KMT2C: variants seen among roughly 807,000 people sequenced by gnomAD.
KMT2C encodes histone-lysine N-methyltransferase 2C.
In KMT2C, 88 loss-of-function variants were observed where a neutral mutation model predicts 507.9. The observed-to-expected ratio is 0.17, with a 90% CI of 0.15 to 0.21. The LOEUF is 0.21. Among genes scored for constraint, KMT2C ranks in the 10% least tolerant of loss-of-function variants. KMT2C has a pLI of 1.00. For missense variants in KMT2C, 4,954 were observed against 5,957.8 expected (o/e 0.83, Z 5.55); for synonymous variants, 2,049 against 2,080.8 (o/e 0.98, Z 0.42).
At chr7:152,189,382 C>G (rs1460022395) in intron 31 of KMT2C, among the ~76,000 whole-genome samples, 1 of 152,156 alleles carries the variant, frequency 6.6e-6, no homozygotes, top group Non-Finnish European at 1.5e-5. Context: ...TAGAGCCATA[C>G]TATTACAGGA....
chr7:152,374,994 T>C (rs1473258945), intron 1 of KMT2C, among the ~76,000 whole-genome samples: 1 of 152,026 alleles, frequency 6.6e-6, no homozygotes, highest in Non-Finnish European at 1.5e-5. Flanking sequence ...AAGAGGAATA[T>C]CCATTTTGCT....
chr7:152,399,932 A>G (rs1411540366), intron 1 of KMT2C, among the ~76,000 whole-genome samples: 2 of 152,066 alleles, frequency 1.3e-5, no homozygotes, highest in African/African-American at 2.4e-5. Context: ...AAAACAAACA[A>G]ACAAACAGAC....
chr7:152,411,919 T>C (rs2097688670), intron 1 of KMT2C, among the ~76,000 whole-genome samples: 1 of 152,156 alleles, frequency 6.6e-6, no homozygotes, highest in African/African-American at 2.4e-5. Context: ...AAGTCAAAAC[T>C]GAAATATTAA....
chr7:152,360,252 T>C (rs1198570540), intron 1 of KMT2C, among the ~76,000 whole-genome samples: 14 of 151,722 alleles, frequency 9.2e-5, no homozygotes, highest in Non-Finnish European at 1.9e-4. Context: ...CCGAGGTGGG[T>C]GGATCACCTG....
intron 6 of KMT2C, among the ~76,000 whole-genome samples, chr7:152,299,178 T>G (rs986734016): frequency 2.6e-5 from 4 of 151,444 alleles, no homozygotes; most frequent in African/African-American, 9.7e-5. Flanking sequence ...ATTAGCTGGG[T>G]GTGGTGGTGC....
chr7:152,139,171 T>A lies in KMT2C; in HGVS notation c.14534+15A>T, dbSNP rs373983978. 3.7e-6 allele frequency: 6 copies of A among 1,613,340 alleles called. No individual in the cohort carries two copies. The African/African-American group carries it at 6.7e-5, about 18-fold the overall frequency. On this transcript the variant is annotated intron_variant, in intron 57 of 58. Coordinates refer to ENST00000262189, the MANE Select transcript of KMT2C (RefSeq NM_170606.3). Reference sequence around the variant, plus strand: ...CAAGCAAAAGCACTCCCCGTCAGGTTCCTCGCTGTCTCACCTTGCGGGCCC... The same window carrying A: ...CAAGCAAAAGCACTCCCCGTCAGGTACCTCGCTGTCTCACCTTGCGGGCCC...
chr7:152,136,237 T>A lies in KMT2C; in HGVS notation c.*595A>T, dbSNP rs1216370815. 4.7e-6 allele frequency: 1 copy of A among 211,392 alleles called. No homozygotes were observed. Among genetic ancestry groups the A allele is most frequent in the Non-Finnish European group, 9.6e-6 (1 of 104,138 alleles). 13.1% of individuals were successfully genotyped at this position (211,392 alleles called of 1,614,324 possible). A position where few individuals can be genotyped will look rare whatever the true frequency, so the allele number is the denominator to read the frequency against. On this transcript the variant is annotated 3_prime_UTR_variant, in exon 59 of 59. Coordinates refer to ENST00000262189, the MANE Select transcript of KMT2C (RefSeq NM_170606.3). ...CAATAAACTGACTCATGGAATCAAG[T>A]ATTTAAATGTATTTAGTGCAAGTTA...
At chr7:152,301,341 A>T (rs180941024) in intron 6 of KMT2C, among the ~76,000 whole-genome samples, 285 of 142,326 alleles carry the variant, frequency 2.0e-3, no homozygotes, top group African/African-American at 7.6e-3. Context: ...CATCTCTACT[A>T]AAAAAAAAAT....
Position 152,162,533 on chromosome 7 carries a change from T to C in KMT2C, c.11044A>G (p.Asn3682Asp). 6.2e-7 allele frequency: 1 copy of C among 1,614,226 alleles called. No individual in the cohort carries two copies. The highest frequency in any genetic ancestry group is 1.6e-4 in the Middle Eastern group (1 of 6,062). ...AAGQLCTELE[N>D]KLPNSDFSQA... ...GAGAAATCACTATTGGGCAGTTTGT[T>C]CTCTAATTCTGTACATAGCTGGCCT... The change falls in exon 43 of 59, where the codon AAC (asparagine) becomes GAC (aspartate). Residue 3682 changes from asparagine to aspartate, a missense_variant. Transcript: ENST00000262189.
At chr7:152,217,896 C>A (rs1190410151) in intron 23 of KMT2C, among the ~76,000 whole-genome samples, 1 of 152,066 alleles carries the variant, frequency 6.6e-6, no homozygotes, top group Admixed American at 6.6e-5. Flanking sequence ...GGAGCACTTC[C>A]CAAATTTAAG....
intron 1 of KMT2C, among the ~76,000 whole-genome samples, chr7:152,415,687 T>C (rs2097727761): frequency 1.3e-5 from 2 of 152,140 alleles, no homozygotes; most frequent in Non-Finnish European, 2.9e-5. Context: ...GAGACCAGCC[T>C]GGCCAACATA....
At chr7:152,308,218 T>A (rs1257278471) in intron 6 of KMT2C, among the ~76,000 whole-genome samples, 1 of 152,242 alleles carries the variant, frequency 6.6e-6, no homozygotes, top group African/African-American at 2.4e-5. Context: ...GCTAATGTTC[T>A]AATGATTGAA....
rs1288507139 is a variant in KMT2C at position 152,220,665 on chromosome 7, G to C, written c.3570C>G (p.Leu1190=). The C allele has an allele frequency of 6.2e-7, 1 of 1,611,688 alleles. No homozygotes were observed. Among genetic ancestry groups the C allele is most frequent in the Non-Finnish European group, 8.5e-7 (1 of 1,179,678 alleles). The part of the protein sequence containing the change: ...TESGMTQLQS[L]TVTVPRRKRS... ...GTTTTCTTCTTGGAACTGTAACTGT[G>C]AGGCTCTGTAACTGAGTCATCCCTG... The change falls in exon 23 of 59, where the codon CTC becomes CTG. Residue 1190 remains leucine (L), a synonymous_variant. Transcript: ENST00000262189.
chr7:152,330,358 G>A (rs2096871545), intron 3 of KMT2C, among the ~76,000 whole-genome samples: 1 of 152,034 alleles, frequency 6.6e-6, no homozygotes, highest in Non-Finnish European at 1.5e-5. Context: ...GTAATATTCT[G>A]TACTGGCCTG....
intron 17 of KMT2C, 69 bp downstream of exon 17, chr7:152,230,151 A>C: frequency 9.6e-7 from 1 of 1,045,430 alleles, no homozygotes; most frequent in Non-Finnish European, 1.5e-6. Context: ...ACTTCTGTGT[A>C]TATGAGATAA....
intron 31 of KMT2C, among the ~76,000 whole-genome samples, chr7:152,192,383 A>C (rs1199497942): frequency 6.6e-6 from 1 of 152,174 alleles, no homozygotes; most frequent in Non-Finnish European, 1.5e-5. Flanking sequence ...TCTACTAAAA[A>C]TACAAAAAAT....
At chr7:152,320,641 T>G (rs1433857582) in intron 3 of KMT2C, among the ~76,000 whole-genome samples, 13 of 151,942 alleles carry the variant, frequency 8.6e-5, no homozygotes. Flanking sequence ...CAGTGGAAGA[T>G]TTTAATTATT....
intron 1 of KMT2C, among the ~76,000 whole-genome samples, chr7:152,361,956 A>G (rs1045821317): frequency 5.9e-5 from 9 of 152,204 alleles, no homozygotes; most frequent in African/African-American, 2.2e-4. Context: ...ACATTGAGCA[A>G]GCATTACTAG....
At chr7:152,241,558 T>C (rs534162672) in intron 14 of KMT2C, among the ~76,000 whole-genome samples, 7 of 152,334 alleles carry the variant, frequency 4.6e-5, no homozygotes, top group Non-Finnish European at 8.8e-5. Context: ...CTTTCCTTAG[T>C]GCTCCCGGTG....
Sources: allele counts gnomAD v4.1 joint callset (sites outside exome capture counted in the v4.1 genomes callset), GRCh38; gene constraint gnomAD v4.1.1; transcripts MANE v1.5; gene names NCBI Gene and HGNC (gene_info 2026-07-23, HGNC 2026-07-21).